Variants in LMTK2 observed in about 807,000 individuals in gnomAD.
LMTK2 encodes lemur tail kinase 2.
A neutral mutation model predicts 127.5 loss-of-function variants in LMTK2; 37 were observed. The observed-to-expected ratio is 0.29, with a 90% CI of 0.22 to 0.38. The LOEUF (loss-of-function observed/expected upper bound fraction) is 0.38, where lower values mean the gene tolerates loss of function less well. LMTK2 is among the 10% of genes least tolerant of loss of function. The pLI, the probability that LMTK2 is intolerant of heterozygous loss-of-function variation, is 1.00. For missense variants in LMTK2, 1,694 were observed against 1,920.3 expected, an observed-to-expected ratio of 0.88 and a Z score of 2.20; for synonymous variants, 819 against 810.1, an observed-to-expected ratio of 1.01 and a Z score of -0.19.
intron 1 of LMTK2, among the ~76,000 whole-genome samples, chr7:98,125,606 G>T (rs536197825): frequency 1.3e-5 from 2 of 152,086 alleles, no homozygotes; most frequent in African/African-American, 4.8e-5. Context: ...ACTATTTGGG[G>T]GTATTTTATC....
intron 8 of LMTK2, among the ~76,000 whole-genome samples, chr7:98,186,471 G>C (rs1217896182): frequency 6.6e-6 from 1 of 152,130 alleles, no homozygotes; most frequent in Non-Finnish European, 1.5e-5. Context: ...CACATAGCTG[G>C]TAAATGGTAG....
chr7:98,127,080 T>C (rs1434859563), intron 1 of LMTK2, among the ~76,000 whole-genome samples: 1 of 152,374 alleles, frequency 6.6e-6, no homozygotes, highest in African/African-American at 2.4e-5. Flanking sequence ...TATAAATAGA[T>C]ATATTGTTAT....
intron 4 of LMTK2, 139 bp from the exon 5 acceptor site, chr7:98,154,619 G>T: frequency 1.6e-6 from 1 of 607,062 alleles, no homozygotes; most frequent in South Asian, 2.2e-5. Flanking sequence ...CAAGCTTTTG[G>T]TGAGGTGGTA....
chr7:98,197,136 ATAC>A (rs1284575111), intron 11 of LMTK2, among the ~76,000 whole-genome samples: 2 of 152,368 alleles, frequency 1.3e-5, no homozygotes, highest in Non-Finnish European at 2.9e-5. Context: ...AGTTCAGCAA[ATAC>A]TTAACCAGCA....
chr7:98,175,314 G>A (rs1257250112), intron 7 of LMTK2, among the ~76,000 whole-genome samples: 4 of 152,184 alleles, frequency 2.6e-5, no homozygotes, highest in African/African-American at 9.6e-5. Context: ...TGATGTATAT[G>A]GTAGGAGGAA....
At chr7:98,135,101 T>G (rs1796579597) in intron 1 of LMTK2, among the ~76,000 whole-genome samples, 1 of 152,172 alleles carries the variant, frequency 6.6e-6, no homozygotes, top group Non-Finnish European at 1.5e-5. Flanking sequence ...TTAGTTCTGT[T>G]TGCAGTTCAT....
intron 11 of LMTK2, among the ~76,000 whole-genome samples, chr7:98,199,580 G>C (rs1797678122): frequency 1.3e-5 from 2 of 152,122 alleles, no homozygotes; most frequent in South Asian, 4.1e-4. Flanking sequence ...CTGCAGCCTT[G>C]AGCTCCTGGG....
chr7:98,196,043 A>G (rs769678756), intron 11 of LMTK2, among the ~76,000 whole-genome samples: 3 of 152,126 alleles, frequency 2.0e-5, no homozygotes, highest in Non-Finnish European at 2.9e-5. Flanking sequence ...TATAAAAATT[A>G]GCCAGTCACG....
chr7:98,179,443 G>A (rs758298121), intron 7 of LMTK2, among the ~76,000 whole-genome samples: 1 of 152,240 alleles, frequency 6.6e-6, no homozygotes, highest in Non-Finnish European at 1.5e-5. Context: ...AGAGGTGGTC[G>A]TTGGTGGTGC....
chr7:98,131,354 T>C (rs1411383169), intron 1 of LMTK2, among the ~76,000 whole-genome samples: 4 of 152,210 alleles, frequency 2.6e-5, no homozygotes, highest in Admixed American at 6.5e-5. Flanking sequence ...AGTCTTTTAA[T>C]GTTTGCCACT....
At position 98,191,783 on chromosome 7, in the gene LMTK2, A is replaced by C. The variant is rs1797528702; in HGVS notation, c.1318A>C (p.Asn440His). 6.2e-7 allele frequency: 1 copy of C among 1,614,060 alleles called. No individual in the cohort carries two copies. Among genetic ancestry groups the C allele is most frequent in the African/African-American group, 1.3e-5 (1 of 74,926 alleles). The change falls in exon 11 of 14, where the codon AAC becomes CAC. Residue 440 changes from asparagine to histidine, a missense_variant. Asn to His is a moderately conservative substitution (Grantham distance 68). Transcript: ENST00000297293. ...GAACACAAACAGCAGAGACTCCTCC[A>C]ACAATGCTGCATTCCCAATTCTCGA... Reference protein sequence around the residue: ...KPNTNSRDSSNNAAFPILDHF... With the variant: ...KPNTNSRDSSHNAAFPILDHF...
chr7:98,156,418 T>A (rs1321969031), intron 5 of LMTK2, among the ~76,000 whole-genome samples: 1 of 150,724 alleles, frequency 6.6e-6, no homozygotes, highest in Non-Finnish European at 1.5e-5. Flanking sequence ...TGAGCCGAGA[T>A]CACGCCACTG....
At chr7:98,200,058 T>G (rs2116478723) in intron 11 of LMTK2, among the ~76,000 whole-genome samples, 1 of 152,340 alleles carries the variant, frequency 6.6e-6, no homozygotes, top group South Asian at 2.1e-4. Context: ...AAATTGAACA[T>G]TTTTAGTATT....
rs760618419 is a variant in LMTK2, at chr7:98,193,220, C to T, written c.2755C>T (p.Pro919Ser). Residue 919 changes from proline (P) to serine (S), a missense_variant, in exon 11 of 14, where the codon CCG becomes TCG. Transcript: ENST00000297293. The surrounding 1 kb of genome is among the most constrained non-coding windows in gnomAD (Gnocchi z 4.1). ...CAGGGTGAGTGTAGGGAGTAGTCTC[C>T]CGGAACTGGGACAGGAATTGCACAA... ...ASRVSVGSSL[P>S]ELGQELHNKP... is the part of the protein sequence containing the mutation. 14 of 1,613,630 alleles carry T rather than the reference C, an allele frequency of 8.7e-6. No homozygotes were observed. The highest frequency in any genetic ancestry group is 9.3e-6 in the Non-Finnish European group (11 of 1,180,012).
At chr7:98,172,949 G>A (rs1281327370) in intron 7 of LMTK2, among the ~76,000 whole-genome samples, 1 of 152,060 alleles carries the variant, frequency 6.6e-6, no homozygotes, top group Non-Finnish European at 1.5e-5. Flanking sequence ...GTACAGATGG[G>A]GTTTCACCAT....
At chr7:98,155,279 T>TA (rs774956721) in intron 5 of LMTK2, among the ~76,000 whole-genome samples, 12 of 152,146 alleles carry the variant, frequency 7.9e-5, no homozygotes, top group Non-Finnish European at 1.6e-4. Context: ...TCATTTCAGT[T>TA]ACAGCCTCAG....
rs199974736 is a variant in LMTK2 at position 98,193,488 on chromosome 7, C to T, written c.3023C>T (p.Ala1008Val). ...DSLESVDVHEALLDSLGSHTP... is the reference protein window; with the variant it reads ...DSLESVDVHEVLLDSLGSHTP... The stretch of plus-strand genomic sequence containing the variant: ...CTGGAGTCAGTGGATGTCCACGAAG[C>T]GCTACTGGACTCTTTAGGATCTCAC... Residue 1008 changes from alanine to valine, a missense_variant, in exon 11 of 14, where the codon GCG becomes GTG. Transcript: ENST00000297293. The surrounding 1 kb of genome is among the most constrained non-coding windows in gnomAD (Gnocchi z 4.1). 188 of 1,614,092 alleles carry T rather than the reference C, an allele frequency of 1.2e-4. No individual in the cohort carries two copies. Among genetic ancestry groups the T allele is most frequent in the South Asian group, 6.4e-4 (58 of 91,082 alleles).
Position 98,194,861 on chromosome 7 carries a change from T to TA in LMTK2, c.4107+290dup, listed in dbSNP as rs1797603009. ...TTTACACACCAAATTTTTACTGTTTTACTTTTTTATTTTTCTTTTGAGACA... is the reference window on the plus strand; with the variant it reads ...TTTACACACCAAATTTTTACTGTTTTAACTTTTTTATTTTTCTTTTGAGACA... On this transcript the variant is annotated intron_variant, in intron 11 of 13. Transcript: ENST00000297293. The surrounding 1 kb of genome is among the most constrained non-coding windows in gnomAD (Gnocchi z 5.4). Among the ~76,000 whole-genome samples, 1 of 152,180 alleles carries TA rather than the reference T, an allele frequency of 6.6e-6. No homozygotes were observed. The highest frequency in any genetic ancestry group is 2.4e-5 in the African/African-American group (1 of 41,438).
intron 7 of LMTK2, among the ~76,000 whole-genome samples, chr7:98,176,062 A>C (rs1277427595): frequency 6.6e-6 from 1 of 152,264 alleles, no homozygotes; most frequent in Non-Finnish European, 1.5e-5. Flanking sequence ...ATACTAGCAA[A>C]CTGCATGTAG....
Sources: gnomAD v4.1 joint callset for allele counts (sites outside exome capture counted in the v4.1 genomes callset) on GRCh38, gnomAD v4.1.1 for gene constraint, Gnocchi (gnomAD v3.1) non-coding constraint, MANE v1.5 for transcripts, NCBI Gene and HGNC (gene_info 2026-07-23, HGNC 2026-07-21) for gene names.